The following ALDH1A2 variants were observed in gnomAD, a reference collection of about 807,000 sequenced individuals.
The protein encoded by ALDH1A2 is retinal dehydrogenase 2.
In ALDH1A2, 27 loss-of-function variants were observed where a neutral mutation model predicts 60.3. That is an observed-to-expected ratio of 0.45 (90% CI 0.33 to 0.62). The LOEUF (loss-of-function observed/expected upper bound fraction) is 0.62, where lower values mean the gene tolerates loss of function less well. Ranked by LOEUF, ALDH1A2 falls within the 20% of genes least tolerant of loss-of-function variation. The pLI, the probability that ALDH1A2 is intolerant of heterozygous loss-of-function variation, is 0.02. For missense variants in ALDH1A2, 581 were observed against 643.8 expected (o/e 0.90, Z 1.06); for synonymous variants, 289 against 232.4 (o/e 1.24, Z -2.21).
chr15:58,063,249 G>T (rs1489827432), intron 1 of ALDH1A2, among the ~76,000 whole-genome samples: 2 of 152,154 alleles, frequency 1.3e-5, no homozygotes, highest in Non-Finnish European at 2.9e-5. Flanking sequence ...ATAACATATT[G>T]TCTTACAGTA....
chr15:58,063,426 C>T (rs1237397914), intron 1 of ALDH1A2, among the ~76,000 whole-genome samples: 1 of 152,096 alleles, frequency 6.6e-6, no homozygotes, highest in Non-Finnish European at 1.5e-5. Context: ...TTTGAAATTG[C>T]TAATATAATT....
chr15:57,973,638 A>AT (rs1341245446), intron 7 of ALDH1A2, among the ~76,000 whole-genome samples: 2 of 152,202 alleles, frequency 1.3e-5, no homozygotes, highest in African/African-American at 4.8e-5. Context: ...TCCATCCACC[A>AT]CTACTAATAT....
chr15:58,001,690 C>T (rs1164216815), intron 4 of ALDH1A2, among the ~76,000 whole-genome samples: 1 of 151,868 alleles, frequency 6.6e-6, no homozygotes, highest in Non-Finnish European at 1.5e-5. Flanking sequence ...AAGGTTGTTT[C>T]CTTCATTTCT....
In ALDH1A2 at chr15:58,065,682, G is replaced by A. The variant is rs1273724222; in HGVS notation, c.-32C>T. On this transcript the variant is annotated 5_prime_UTR_variant, in exon 1 of 13. The change creates a new upstream start codon in the 5' untranslated region. Transcript: ENST00000249750. ...GGGCCGGGTGTCCCTAGCCCGCGGCGTGGGGCAGTGCGGGCTGTGCGCGCG... is the reference window on the plus strand; with the variant it reads ...GGGCCGGGTGTCCCTAGCCCGCGGCATGGGGCAGTGCGGGCTGTGCGCGCG... 6.8e-7 allele frequency: 1 copy of A among 1,480,316 alleles called. No individual in the cohort carries two copies. Among genetic ancestry groups the A allele is most frequent in the Non-Finnish European group, 9.2e-7 (1 of 1,092,828 alleles). 91.7% of individuals were successfully genotyped at this position (1,480,316 alleles called of 1,614,324 possible).
intron 12 of ALDH1A2, among the ~76,000 whole-genome samples, chr15:57,959,945 C>T (rs1450147445): frequency 1.3e-5 from 2 of 152,116 alleles, no homozygotes. Context: ...CTCACTCTCC[C>T]CCACTGCTAC....
chr15:58,000,583 G>C (rs1189498824), intron 4 of ALDH1A2, among the ~76,000 whole-genome samples: 2 of 151,940 alleles, frequency 1.3e-5, no homozygotes, highest in African/African-American at 2.4e-5. Context: ...GGTTTCATGG[G>C]CTGGTAATAT....
At chr15:58,054,944 TG>T (rs1896859703) in intron 1 of ALDH1A2, among the ~76,000 whole-genome samples, 1 of 152,254 alleles carries the variant, frequency 6.6e-6, no homozygotes, top group South Asian at 2.1e-4. Flanking sequence ...CATTTTTGTC[TG>T]GTTGGAATTG....
intron 1 of ALDH1A2, among the ~76,000 whole-genome samples, chr15:58,056,713 C>T (rs1041305864): frequency 3.9e-5 from 6 of 151,998 alleles, no homozygotes; most frequent in Non-Finnish European, 8.8e-5. Flanking sequence ...TCAGTAAATA[C>T]ACAACATAGA....
intron 4 of ALDH1A2, among the ~76,000 whole-genome samples, chr15:57,996,966 C>T (rs146717240): frequency 1.6e-3 from 240 of 152,018 alleles, no homozygotes; most frequent in African/African-American, 5.5e-3. Flanking sequence ...TTGAAGAGCT[C>T]TATGGATATT....
intron 4 of ALDH1A2, among the ~76,000 whole-genome samples, chr15:58,008,883 T>G (rs1463615994): frequency 1.3e-5 from 2 of 152,072 alleles, no homozygotes; most frequent in Non-Finnish European, 2.9e-5. Context: ...TCTACCTCAC[T>G]TAGGCCATCC....
chr15:58,021,076 T>C (rs1476248218), intron 1 of ALDH1A2, among the ~76,000 whole-genome samples: 1 of 152,200 alleles, frequency 6.6e-6, no homozygotes, highest in Non-Finnish European at 1.5e-5. Context: ...CCAGTATTTG[T>C]CTCATTTATC....
At chr15:57,993,144 T>G (rs907444797) in intron 5 of ALDH1A2, 71 bp from the exon 6 acceptor site, 4 of 1,557,776 alleles carry the variant, frequency 2.6e-6, no homozygotes, top group Non-Finnish European at 3.5e-6. Flanking sequence ...AAGCTGTGAC[T>G]TCTCATATTT....
intron 1 of ALDH1A2, among the ~76,000 whole-genome samples, chr15:58,060,898 G>A (rs368586290): frequency 1.1e-4 from 16 of 152,330 alleles, no homozygotes; most frequent in Admixed American, 6.5e-4. Flanking sequence ...AACTCTGGGT[G>A]ATGGGACTTG....
chr15:58,057,054 C>T (rs1280068237), intron 1 of ALDH1A2, among the ~76,000 whole-genome samples: 1 of 152,012 alleles, frequency 6.6e-6, no homozygotes, highest in Admixed American at 6.6e-5. Flanking sequence ...CATGAGCCAG[C>T]AATATCACTT....
intron 4 of ALDH1A2, among the ~76,000 whole-genome samples, chr15:58,003,229 C>A (rs906992028): frequency 1.3e-5 from 2 of 151,824 alleles, no homozygotes; most frequent in East Asian, 1.9e-4. Context: ...TTCATGACCT[C>A]CTGTCACAAT....
rs149399657 is a variant in ALDH1A2, at chr15:58,002,128, T to C, written c.494-6989A>G. The stretch of plus-strand genomic sequence containing the variant: ...TACCTGGGTGCTTTTAATGACCAAA[T>C]AGTAGTTTACAACTTATGGAAAATA... On this transcript the variant is annotated intron_variant, in intron 4 of 12. Coordinates refer to ENST00000249750, the MANE Select transcript of ALDH1A2 (RefSeq NM_003888.4). 2.4e-3 allele frequency among the ~76,000 whole-genome samples: 364 copies of C among 152,036 alleles called. 2 individuals are homozygous for C. The highest frequency in any genetic ancestry group is 8.4e-3 in the African/African-American group (350 of 41,526).
chr15:58,049,266 ATTTC>A lies in ALDH1A2; in HGVS notation c.117+16264_117+16267del, dbSNP rs765614953. 4.4e-4 allele frequency among the ~76,000 whole-genome samples: 67 copies of A among 152,100 alleles called. No homozygotes were observed. The East Asian group carries it at 0.012, about 27-fold the overall frequency. ...GTTGTGCCTCTATTCCTCTCGCATG[ATTTC>A]TTTATGGGTCATATTCCTACGTGTA... On this transcript the variant is annotated intron_variant, in intron 1 of 12. Coordinates refer to ENST00000249750, the MANE Select transcript of ALDH1A2 (RefSeq NM_003888.4).
chr15:57,988,126 A>G (rs1894772201), intron 7 of ALDH1A2, among the ~76,000 whole-genome samples: 1 of 152,204 alleles, frequency 6.6e-6, no homozygotes, highest in South Asian at 2.1e-4. Flanking sequence ...TTTTAAAACA[A>G]AAACAGCAGC....
intron 1 of ALDH1A2, among the ~76,000 whole-genome samples, chr15:58,035,101 G>A (rs1233140568): frequency 2.0e-5 from 3 of 151,568 alleles, no homozygotes; most frequent in Non-Finnish European, 3.0e-5. Flanking sequence ...TTTCTTTTTT[G>A]AAAGGTTATT....
Sources: gnomAD v4.1 joint callset for allele counts (sites outside exome capture counted in the v4.1 genomes callset) on GRCh38, gnomAD v4.1.1 for gene constraint, MANE v1.5 for transcripts, NCBI Gene and HGNC (gene_info 2026-07-23, HGNC 2026-07-21) for gene names.